The following NR3C2 variants were observed in gnomAD, a reference collection of about 807,000 sequenced individuals.
NR3C2 encodes nuclear receptor subfamily 3 group C member 2.
Under a neutral mutation model 86.4 loss-of-function variants are expected in NR3C2, and 15 were observed. The observed-to-expected ratio is 0.17, with a 90% CI of 0.12 to 0.27. The LOEUF (loss-of-function observed/expected upper bound fraction) is 0.27, where lower values mean the gene tolerates loss of function less well. NR3C2 is among the 10% of genes least tolerant of loss of function. NR3C2 has a pLI of 1.00. For missense variants in NR3C2, 960 were observed against 1,195.6 expected, an observed-to-expected ratio of 0.80 and a Z score of 2.91; for synonymous variants, 458 against 450.5, an observed-to-expected ratio of 1.02 and a Z score of -0.21.
At chr4:148,153,201 T>A (rs1161838130) in intron 5 of NR3C2, among the ~76,000 whole-genome samples, 2 of 149,340 alleles carry the variant, frequency 1.3e-5, no homozygotes, top group African/African-American at 4.9e-5. Flanking sequence ...TTATTTATTT[T>A]TTAAGATGGA....
chr4:148,099,456 GAAA>G (rs1731437476), intron 8 of NR3C2, among the ~76,000 whole-genome samples: 2 of 152,136 alleles, frequency 1.3e-5, no homozygotes, highest in South Asian at 4.1e-4. Context: ...ATGAGCCCGT[GAAA>G]ATGCATTTAA....
chr4:148,303,924 T>TTGACCCCCA lies in NR3C2; in HGVS notation c.1758-43816_1758-43808dup, dbSNP rs1487699068. ...CCTGTTAACATGGGTTAAAGGCGCG[T>TTGACCCCCA]TGACCCCCATGGGCAGCAGCCCGTC... is the stretch of plus-strand genomic sequence containing the variant. On this transcript the variant is annotated intron_variant, in intron 2 of 8. Transcript: ENST00000358102. 2.6e-5 allele frequency among the ~76,000 whole-genome samples: 4 copies of TTGACCCCCA among 152,316 alleles called. No individual in the cohort carries two copies. The East Asian group carries it at 7.7e-4, about 29-fold the overall frequency.
chr4:148,366,411 A>AAT (rs2126344616), intron 2 of NR3C2, among the ~76,000 whole-genome samples: 1 of 130,224 alleles, frequency 7.7e-6, no homozygotes, highest in African/African-American at 2.8e-5. Context: ...AAGCAACCCC[A>AAT]AATTCACTCC....
intron 3 of NR3C2, among the ~76,000 whole-genome samples, chr4:148,234,940 C>T (rs1171530308): frequency 6.6e-6 from 1 of 152,070 alleles, no homozygotes; most frequent in Non-Finnish European, 1.5e-5. Flanking sequence ...AAACTAGAAA[C>T]AACTGCTAAA....
chr4:148,180,352 T>C (rs17580954), intron 4 of NR3C2, among the ~76,000 whole-genome samples: 4,673 of 150,928 alleles, frequency 0.031, 194 homozygotes, highest in Non-Finnish European at 0.046. Context: ...TACATTTCAG[T>C]TTTTAAAAGT....
chr4:148,251,093 G>A (rs181410006), intron 3 of NR3C2, among the ~76,000 whole-genome samples: 2 of 152,172 alleles, frequency 1.3e-5, no homozygotes, highest in Non-Finnish European at 2.9e-5. Flanking sequence ...GAGACTGCAA[G>A]CATGCACCAC....
At chr4:148,088,914 TTCAC>T (rs1730939653) in intron 8 of NR3C2, among the ~76,000 whole-genome samples, 4 of 151,206 alleles carry the variant, frequency 2.6e-5, no homozygotes, top group African/African-American at 9.9e-5. Flanking sequence ...CAGAAAAAAA[TTCAC>T]TCTAATTTTT....
At chr4:148,313,744 C>A (rs1561035193) in intron 2 of NR3C2, among the ~76,000 whole-genome samples, 1 of 152,168 alleles carries the variant, frequency 6.6e-6, no homozygotes, top group Non-Finnish European at 1.5e-5. Context: ...TTTAACCTTA[C>A]TTACTACAGC....
chr4:148,335,284 CATT>C (rs1744423664), intron 2 of NR3C2, among the ~76,000 whole-genome samples: 1 of 152,154 alleles, frequency 6.6e-6, no homozygotes, highest in African/African-American at 2.4e-5. Context: ...TAATTTTGAT[CATT>C]GACTTCTGTA....
chr4:148,131,490 T>C (rs1388009468), intron 6 of NR3C2, among the ~76,000 whole-genome samples: 1 of 152,238 alleles, frequency 6.6e-6, no homozygotes. Flanking sequence ...TTCAAATTAT[T>C]CCAGTTTACT....
At chr4:148,155,713 T>TC (rs1734347024) in intron 4 of NR3C2, among the ~76,000 whole-genome samples, 1 of 150,148 alleles carries the variant, frequency 6.7e-6, no homozygotes, top group Admixed American at 6.7e-5. Context: ...TTCAATGCCA[T>TC]CCCCATCAAG....
intron 4 of NR3C2, among the ~76,000 whole-genome samples, chr4:148,158,235 T>G (rs1734492985): frequency 6.6e-6 from 1 of 152,126 alleles, no homozygotes; most frequent in South Asian, 2.1e-4. Flanking sequence ...CTCAGCAAAG[T>G]GCCTCAAAAA....
chr4:148,326,041 A>T (rs1175300807), intron 2 of NR3C2, among the ~76,000 whole-genome samples: 2 of 152,178 alleles, frequency 1.3e-5, no homozygotes, highest in Non-Finnish European at 2.9e-5. Context: ...CATGAAATTC[A>T]ACCAGCAAGA....
chr4:148,350,627 A>G (rs1745227497), intron 2 of NR3C2, among the ~76,000 whole-genome samples: 1 of 149,778 alleles, frequency 6.7e-6, no homozygotes, highest in Non-Finnish European at 1.5e-5. Context: ...TAGTAAACCT[A>G]AAACATAAAT....
At chr4:148,275,601 T>C (rs1455368453) in intron 2 of NR3C2, among the ~76,000 whole-genome samples, 2 of 152,172 alleles carry the variant, frequency 1.3e-5, no homozygotes, top group African/African-American at 4.8e-5. Flanking sequence ...TGGTTAATTG[T>C]GTATTTTTAA....
chr4:148,181,583 A>G (rs1405363300), intron 4 of NR3C2, among the ~76,000 whole-genome samples: 1 of 152,224 alleles, frequency 6.6e-6, no homozygotes, highest in Admixed American at 6.5e-5. Context: ...TCCCTTCAGA[A>G]CACTGGTAAA....
At chr4:148,147,374 T>C (rs1191891354) in intron 6 of NR3C2, among the ~76,000 whole-genome samples, 4 of 152,258 alleles carry the variant, frequency 2.6e-5, no homozygotes, top group African/African-American at 9.6e-5. Context: ...AACTTCACAC[T>C]TCATCATAAA....
chr4:148,444,261 G>A (rs1341639793), upstream of NR3C2: 2 of 985,278 alleles, frequency 2.0e-6, no homozygotes, highest in African/African-American at 3.5e-5. Context: ...CTTTGAGGAG[G>A]GCCGGTCTTG....
chr4:148,246,099 CAA>C (rs1198223865), intron 3 of NR3C2, among the ~76,000 whole-genome samples: 39 of 148,908 alleles, frequency 2.6e-4, no homozygotes, highest in African/African-American at 8.5e-4. Context: ...GCTATAACAA[CAA>C]CAACAACAAC....
Sources: allele counts gnomAD v4.1 joint callset (sites outside exome capture counted in the v4.1 genomes callset), GRCh38; gene constraint gnomAD v4.1.1; transcripts MANE v1.5; gene names NCBI Gene and HGNC (gene_info 2026-07-23, HGNC 2026-07-21).